RETSAT: variants seen among roughly 807,000 people sequenced by gnomAD.
RETSAT encodes the protein retinol saturase.
A neutral mutation model predicts 61.6 loss-of-function variants in RETSAT; 35 were observed. That is an observed-to-expected ratio of 0.57 (90% CI 0.43 to 0.75). The LOEUF is 0.75. Among genes scored for constraint, RETSAT ranks in the 30% least tolerant of loss-of-function variants. RETSAT has a pLI of 0.00. For synonymous variants in RETSAT, 277 were observed against 310.4 expected (o/e 0.89, Z 1.13); for missense variants, 670 against 759.5 (o/e 0.88, Z 1.38).
rs1008219765 is a variant in RETSAT, at chr2:85,349,284, G to A, written c.997+100C>T. 16 of 1,099,012 alleles carry A rather than the reference G, an allele frequency of 1.5e-5. No individual in the cohort carries two copies. In the African/African-American group the frequency reaches 2.0e-4, roughly 14 times the overall value. 68.1% of individuals were successfully genotyped at this position (1,099,012 alleles called of 1,614,324 possible). A position where few individuals can be genotyped will look rare whatever the true frequency, so the allele number is the denominator to read the frequency against. ...AGATTCTCACCTTTAGCCTCCATGA[G>A]GAGGTCAGTTCTCCTACTCCTTCTG... is the stretch of plus-strand genomic sequence containing the variant. On this transcript the variant is annotated intron_variant, in intron 5 of 10. Transcript: ENST00000295802.
chr2:85,349,573 G>C lies in RETSAT; in HGVS notation c.808C>G (p.Pro270Ala), dbSNP rs143321957. The C allele has an allele frequency of 1.2e-4, 189 of 1,613,974 alleles. No individual in the cohort carries two copies. Among genetic ancestry groups the C allele is most frequent in the Non-Finnish European group, 1.5e-4 (179 of 1,179,996 alleles). Residue 270 changes from proline to alanine, a missense_variant, in exon 5 of 11, where the codon CCC becomes GCC. Coordinates refer to ENST00000295802, the MANE Select transcript of RETSAT (RefSeq NM_017750.4). ...TGCATGGAAAAGGCACTGTGGTTGG[G>C]GGTGACACCTGCAGAAGCAAGGAAG... ...SYIFPTYGVT[P>A]NHSAFSMHAL...
At chr2:85,351,400 TTGG>T (rs992593221) in intron 2 of RETSAT, 3 of 446,592 alleles carry the variant, frequency 6.7e-6, no homozygotes, top group Non-Finnish European at 1.2e-5. Context: ...GGTGGCCCAC[TTGG>T]TGGGATTACT....
At chr2:85,343,594 G>A in intron 10 of RETSAT, 45 bp downstream of exon 10, 2 of 1,607,928 alleles carry the variant, frequency 1.2e-6, no homozygotes, top group Non-Finnish European at 8.5e-7. Flanking sequence ...TGGGCGACAG[G>A]GGCCCAGGGT....
At position 85,354,325 on chromosome 2, in the gene RETSAT, C is replaced by T. The variant is rs1220255749; in HGVS notation, c.172+11G>A. ...GAGTGCAGCCCCGGACCCCAGGGTCCCTCCTGCTACCTTGTTTGAGAACCT... is the reference window on the plus strand; with the variant it reads ...GAGTGCAGCCCCGGACCCCAGGGTCTCTCCTGCTACCTTGTTTGAGAACCT... On this transcript the variant is annotated intron_variant, in intron 1 of 10. Transcript: ENST00000295802. 1.2e-6 allele frequency: 2 copies of T among 1,614,074 alleles called. No individual in the cohort carries two copies. Among genetic ancestry groups the T allele is most frequent in the African/African-American group, 1.3e-5 (1 of 75,070 alleles).
chr2:85,342,045 C>T lies in RETSAT; in HGVS notation c.*1197G>A. 2.2e-6 allele frequency: 1 copy of T among 447,208 alleles called. No homozygotes were observed. The highest frequency in any genetic ancestry group is 4.0e-6 in the Non-Finnish European group (1 of 253,034). The allele number at this position is 447,208 out of a possible 1,614,324, so 27.7% of individuals were successfully genotyped here. On this transcript the variant is annotated 3_prime_UTR_variant, in exon 11 of 11. Transcript: ENST00000295802. ...TTTACTGAGCTTCTGCAAATGCCAT[C>T]ACAATAATAGTTTTGTTTTCTTGAA...
Position 85,349,417 on chromosome 2 carries a change from T to C in RETSAT, c.964A>G (p.Ser322Gly), listed in dbSNP as rs769297429. The C allele has an allele frequency of 6.2e-7, 1 of 1,614,048 alleles. No homozygotes were observed. The change falls in exon 5 of 11, where the codon AGT becomes GGT. Residue 322 changes from serine (S) to glycine (G), a missense_variant. Coordinates refer to ENST00000295802, the MANE Select transcript of RETSAT (RefSeq NM_017750.4). ...GAVLTKATVQ[S>G]VLLDSAGKAC... Reference sequence around the variant, plus strand: ...TTCCCAGCTGAGTCCAGCAACACACTCTGCACAGTGGCCTTTGTGAGGACA... The same window carrying C: ...TTCCCAGCTGAGTCCAGCAACACACCCTGCACAGTGGCCTTTGTGAGGACA...
chr2:85,345,202 G>T (rs752649672), intron 6 of RETSAT, among the ~76,000 whole-genome samples: 1 of 152,178 alleles, frequency 6.6e-6, no homozygotes, highest in Non-Finnish European at 1.5e-5. Context: ...GCTCAGCCAC[G>T]CAGGGTGAAG....
Position 85,349,499 on chromosome 2 carries a change from C to G in RETSAT, c.882G>C (p.Gly294=), listed in dbSNP as rs181584954. ...TGTGGAAGGCAATTTCACTGGAACCCCCTCGGGGATAAAAGCCTCCTTTCA... is the reference window on the plus strand; with the variant it reads ...TGTGGAAGGCAATTTCACTGGAACCGCCTCGGGGATAAAAGCCTCCTTTCA... ...HYMKGGFYPR[G]GSSEIAFHTI... is the part of the protein sequence containing the mutation. The change falls in exon 5 of 11, where the codon GGG becomes GGC. Residue 294 remains glycine (G), a synonymous_variant. Transcript: ENST00000295802. The G allele has an allele frequency of 2.0e-5, 32 of 1,614,174 alleles. No homozygotes were observed. The African/African-American group carries it at 3.5e-4, about 17-fold the overall frequency.
Position 85,346,321 on chromosome 2 carries a change from C to G in RETSAT, c.998-227G>C, listed in dbSNP as rs1413758248. The stretch of plus-strand genomic sequence containing the variant: ...TGGGCTTACTTTCCCTAGCTCTGTA[C>G]CCACCTGTGTGTGTGTATGTTTGTA... On this transcript the variant is annotated intron_variant, in intron 5 of 10. Transcript: ENST00000295802. Among the ~76,000 whole-genome samples the G allele has an allele frequency of 4.6e-5, 7 of 152,296 alleles. No individual in the cohort carries two copies. The East Asian group carries it at 1.3e-3, about 29-fold the overall frequency.
chr2:85,350,038 A>C lies in RETSAT; in HGVS notation c.799+2T>G, dbSNP rs1414762818. 1 of 1,613,034 alleles carries C rather than the reference A, an allele frequency of 6.2e-7. No homozygotes were observed. Among genetic ancestry groups the C allele is most frequent in the East Asian group, 2.2e-5 (1 of 44,868 alleles). On this transcript the variant is annotated splice_donor_variant, in intron 4 of 10. Coordinates refer to ENST00000295802, the MANE Select transcript of RETSAT (RefSeq NM_017750.4). LOFTEE classifies it high-confidence loss of function. The stretch of plus-strand genomic sequence containing the variant: ...TGCCCAGAGCCCAGGCCCAGTACCC[A>C]CCGTAAGTGGGGAAGATGTAGCTGA...
chr2:85,354,452 T>C lies in RETSAT; in HGVS notation c.56A>G (p.Lys19Arg). 1 of 1,614,060 alleles carries C rather than the reference T, an allele frequency of 6.2e-7. No individual in the cohort carries two copies. Among genetic ancestry groups the C allele is most frequent in the Non-Finnish European group, 8.5e-7 (1 of 1,179,994 alleles). Residue 19 changes from lysine (K) to arginine (R), a missense_variant, in exon 1 of 11, where the codon AAA becomes AGA. Transcript: ENST00000295802. ...GCCAGAGAATAGTCCCAAGTAAACTTTGCAGAGGACGGCCAGCAGCAGCAC... is the reference window on the plus strand; with the variant it reads ...GCCAGAGAATAGTCCCAAGTAAACTCTGCAGAGGACGGCCAGCAGCAGCAC... ...LAVLLLAVLC[K>R]VYLGLFSGSS...
At position 85,343,324 on chromosome 2, in the gene RETSAT, C is replaced by G; in HGVS notation, c.1751G>C (p.Ser584Thr). ...CAAGTTCCGCTTCAGGATGGCGCTG[C>G]TGCACAGCAGGGCACCTTGCAGGGC... Reference protein sequence around the residue: ...VGALQGALLCSSAILKRNLYS... With the variant: ...VGALQGALLCTSAILKRNLYS... Residue 584 changes from serine (S) to threonine (T), a missense_variant, in exon 11 of 11, where the codon AGC becomes ACC. Coordinates refer to ENST00000295802, the MANE Select transcript of RETSAT (RefSeq NM_017750.4). 1 of 1,614,254 alleles carries G rather than the reference C, an allele frequency of 6.2e-7. No homozygotes were observed. Among genetic ancestry groups the G allele is most frequent in the Non-Finnish European group, 8.5e-7 (1 of 1,180,048 alleles).
rs71337787 is a variant in RETSAT at position 85,343,206 on chromosome 2, C to T, written c.*36G>A. On this transcript the variant is annotated 3_prime_UTR_variant, in exon 11 of 11. Transcript: ENST00000295802. Reference sequence around the variant, plus strand: ...GGTAAGTCAAGGGAGATGCCCCAGCCATTGGGCAAATTCCTCTGACTCCTC... The same window carrying T: ...GGTAAGTCAAGGGAGATGCCCCAGCTATTGGGCAAATTCCTCTGACTCCTC... The T allele has an allele frequency of 1.9e-6, 3 of 1,609,586 alleles. No individual in the cohort carries two copies. The highest frequency in any genetic ancestry group is 2.2e-5 in the East Asian group (1 of 44,868).
At chr2:85,349,606 A>C in intron 4 of RETSAT, 25 bp from the exon 5 acceptor site, 1 of 1,601,750 alleles carries the variant, frequency 6.2e-7, no homozygotes, top group Non-Finnish European at 8.6e-7. Flanking sequence ...AAGGGTGGTG[A>C]GCTGGCAAGA....
At position 85,344,177 on chromosome 2, in the gene RETSAT, A is replaced by G; in HGVS notation, c.1367-12T>C. 18 of 1,614,042 alleles carry G rather than the reference A, an allele frequency of 1.1e-5. No homozygotes were observed. Among genetic ancestry groups the G allele is most frequent in the Non-Finnish European group, 1.4e-5 (16 of 1,179,992 alleles). ...CATGGTGGACCGGCCTGGGGATCAG[A>G]GCTGATATTACTACTGCCCGGCCTC... On this transcript the variant is annotated splice_polypyrimidine_tract_variant and intron_variant, in intron 8 of 10. Coordinates refer to ENST00000295802, the MANE Select transcript of RETSAT (RefSeq NM_017750.4).
intron 5 of RETSAT, 135 bp from the exon 6 acceptor site, chr2:85,346,229 C>G: frequency 8.4e-7 from 1 of 1,190,350 alleles, no homozygotes; most frequent in East Asian, 2.4e-5. Context: ...TCAGGCAGGG[C>G]AGGCCCCTGG....
chr2:85,343,012 A>T lies in RETSAT; in HGVS notation c.*230T>A. 2.2e-6 allele frequency: 1 copy of T among 464,996 alleles called. No homozygotes were observed. Among genetic ancestry groups the T allele is most frequent in the Non-Finnish European group, 3.9e-6 (1 of 256,524 alleles). The allele number at this position is 464,996 out of a possible 1,614,324, so 28.8% of individuals were successfully genotyped here. A position where few individuals can be genotyped will look rare whatever the true frequency, so the allele number is the denominator to read the frequency against. On this transcript the variant is annotated 3_prime_UTR_variant, in exon 11 of 11. Coordinates refer to ENST00000295802, the MANE Select transcript of RETSAT (RefSeq NM_017750.4). ...CTATCCAAGTCAATATCCTATTAGT[A>T]GGGATGGCATGTTATAAAAGGCGTA...
Position 85,350,021 on chromosome 2 carries a change from G to A in RETSAT, c.799+19C>T, listed in dbSNP as rs576383399. 7.5e-6 allele frequency: 12 copies of A among 1,610,386 alleles called. No homozygotes were observed. The African/African-American group carries it at 1.6e-4, about 21-fold the overall frequency. ...GTTCCTCCTCCAGAAGCTGCCCAGA[G>A]CCCAGGCCCAGTACCCACCGTAAGT... On this transcript the variant is annotated intron_variant, in intron 4 of 10. Coordinates refer to ENST00000295802, the MANE Select transcript of RETSAT (RefSeq NM_017750.4).
At position 85,344,234 on chromosome 2, in the gene RETSAT, C is replaced by T; in HGVS notation, c.1366+5G>A. On this transcript the variant is annotated splice_donor_5th_base_variant and intron_variant, in intron 8 of 10. Transcript: ENST00000295802. ...CACCCCCTCACCCGGGACGTGCAGC[C>T]CCACCTGGGAATCGGTCCTCCCAGG... 1 of 1,614,114 alleles carries T rather than the reference C, an allele frequency of 6.2e-7. No homozygotes were observed. Among genetic ancestry groups the T allele is most frequent in the Non-Finnish European group, 8.5e-7 (1 of 1,180,018 alleles).
Sources: gnomAD v4.1 joint callset for allele counts (sites outside exome capture counted in the v4.1 genomes callset) on GRCh38, gnomAD v4.1.1 for gene constraint, MANE v1.5 for transcripts, NCBI Gene and HGNC (gene_info 2026-07-23, HGNC 2026-07-21) for gene names.